The following KCNN3 variants were observed in gnomAD, a reference collection of about 807,000 sequenced individuals.
KCNN3 encodes small conductance calcium-activated potassium channel protein 3.
A neutral mutation model predicts 62.9 loss-of-function variants in KCNN3; 16 were observed. The ratio of observed to expected loss-of-function variants is 0.25; its 90% CI spans 0.17 to 0.39. KCNN3 has a LOEUF of 0.39. Ranked by LOEUF, KCNN3 falls within the 10% of genes least tolerant of loss-of-function variation. KCNN3 has a pLI of 1.00. For missense variants in KCNN3, 599 were observed against 949.4 expected (o/e 0.63, Z 4.85); for synonymous variants, 370 against 389.2 (o/e 0.95, Z 0.58).
At chr1:154,841,587 A>T (rs908466593) in intron 1 of KCNN3, among the ~76,000 whole-genome samples, 1 of 152,222 alleles carries the variant, frequency 6.6e-6, no homozygotes, top group African/African-American at 2.4e-5. Context: ...AAAGCCACAC[A>T]GCTTCTAAGC....
Position 154,865,187 on chromosome 1 carries a change from C to T in KCNN3, c.933+3845G>A, listed in dbSNP as rs1316406963. ...GCAATGGAGTGGGTGTGCCCCAAAC[C>T]AGCTCTAAAAGAAAATAAAGAACAC... On this transcript the variant is annotated intron_variant, in intron 1 of 7. Transcript: ENST00000271915. Among the ~76,000 whole-genome samples, 4 of 152,046 alleles carry T rather than the reference C, an allele frequency of 2.6e-5. 1 individual carries two copies. The highest frequency in any genetic ancestry group is 5.9e-5 in the Non-Finnish European group (4 of 68,006).
chr1:154,784,489 A>G (rs913101548), intron 2 of KCNN3, among the ~76,000 whole-genome samples: 1 of 151,894 alleles, frequency 6.6e-6, no homozygotes, highest in African/African-American at 2.4e-5. Flanking sequence ...TTCACCAGAG[A>G]CCTCCAGATC....
At chr1:154,836,779 C>A (rs1028071244) in intron 1 of KCNN3, among the ~76,000 whole-genome samples, 1 of 152,226 alleles carries the variant, frequency 6.6e-6, no homozygotes. Context: ...AGAGCCGCCG[C>A]CCCTGGGCTC....
At chr1:154,833,031 T>C (rs1372877193) in intron 1 of KCNN3, among the ~76,000 whole-genome samples, 1 of 152,038 alleles carries the variant, frequency 6.6e-6, no homozygotes, top group Non-Finnish European at 1.5e-5. Context: ...TACAGACAAC[T>C]CCCCACCCTG....
intron 1 of KCNN3, among the ~76,000 whole-genome samples, chr1:154,845,365 T>C (rs950088139): frequency 2.0e-5 from 3 of 152,228 alleles, no homozygotes; most frequent in Admixed American, 1.3e-4. Context: ...AAGCTTAGCC[T>C]GGCTGCTCAG....
In KCNN3 at chr1:154,707,754, C is replaced by T. The variant is rs1400801741; in HGVS notation, c.*222G>A. The T allele has an allele frequency of 7.2e-6, 4 of 553,272 alleles. No homozygotes were observed. Among genetic ancestry groups the T allele is most frequent in the Non-Finnish European group, 1.2e-5 (4 of 320,556 alleles). The allele number at this position is 553,272 out of a possible 1,614,324, so 34.3% of individuals were successfully genotyped here. A position where few individuals can be genotyped will look rare whatever the true frequency, so the allele number is the denominator to read the frequency against. On this transcript the variant is annotated 3_prime_UTR_variant, in exon 8 of 8. Coordinates refer to ENST00000271915, the MANE Select transcript of KCNN3 (RefSeq NM_002249.6). ...CCAGAGGCGTCGCTTCCTGTCATCT[C>T]CTCTTCCCGCTCCCAAGTAGAGGCA...
At chr1:154,733,249 A>G in intron 3 of KCNN3, 105 bp from the exon 4 acceptor site, 2 of 1,192,242 alleles carry the variant, frequency 1.7e-6, no homozygotes, top group Non-Finnish European at 2.5e-6. Flanking sequence ...TTGCTGAGGA[A>G]GAGGCAGCAG....
intron 2 of KCNN3, among the ~76,000 whole-genome samples, chr1:154,780,290 CCTTT>C (rs1648977860): frequency 7.3e-6 from 1 of 136,696 alleles, no homozygotes; most frequent in Admixed American, 7.8e-5. Context: ...AGACTTGAGA[CCTTT>C]CTGATTTTTT....
intron 1 of KCNN3, among the ~76,000 whole-genome samples, chr1:154,866,342 G>C (rs1414441772): frequency 1.3e-5 from 2 of 152,152 alleles, no homozygotes; most frequent in East Asian, 3.8e-4. Context: ...AATCACAATA[G>C]GTCCCATTTG....
chr1:154,860,018 G>T (rs1268083527), intron 1 of KCNN3, among the ~76,000 whole-genome samples: 5 of 152,198 alleles, frequency 3.3e-5, no homozygotes, highest in African/African-American at 1.2e-4. Flanking sequence ...CCCAGGGCTT[G>T]TGAAACAGAT....
At chr1:154,788,119 C>A (rs1777910) in intron 2 of KCNN3, among the ~76,000 whole-genome samples, 134,318 of 152,210 alleles carry the variant, frequency 0.88, 59,331 homozygotes, top group Admixed American at 0.9. Flanking sequence ...GCCTGTCGGT[C>A]ACCCTTTCTG....
At chr1:154,817,478 G>C (rs891718431) in intron 2 of KCNN3, among the ~76,000 whole-genome samples, 3 of 152,360 alleles carry the variant, frequency 2.0e-5, no homozygotes, top group African/African-American at 7.2e-5. Flanking sequence ...AGATGGAGTT[G>C]CTGTGGCCTC....
chr1:154,742,806 T>C (rs1700852490), intron 3 of KCNN3, among the ~76,000 whole-genome samples: 1 of 152,174 alleles, frequency 6.6e-6, no homozygotes, highest in Admixed American at 6.5e-5. Context: ...GTGATACAGA[T>C]AGAGGTATGT....
intron 1 of KCNN3, among the ~76,000 whole-genome samples, chr1:154,856,681 T>A (rs920500713): frequency 1.3e-5 from 2 of 152,146 alleles, no homozygotes; most frequent in African/African-American, 4.8e-5. Context: ...TTAACTCTCA[T>A]GACAGCCCCA....
intron 3 of KCNN3, among the ~76,000 whole-genome samples, chr1:154,737,955 A>T (rs1700747674): frequency 6.6e-6 from 1 of 152,226 alleles, no homozygotes; most frequent in Non-Finnish European, 1.5e-5. Flanking sequence ...AGAAAATATG[A>T]GAAAATTAGT....
chr1:154,735,376 T>G (rs558018964), intron 3 of KCNN3, among the ~76,000 whole-genome samples: 3 of 152,194 alleles, frequency 2.0e-5, no homozygotes, highest in Non-Finnish European at 4.4e-5. Context: ...TTTGTGGCTG[T>G]CTGCACAAGG....
chr1:154,785,145 C>T lies in KCNN3; in HGVS notation c.1030-12752G>A, dbSNP rs183795543. 1.4e-4 allele frequency among the ~76,000 whole-genome samples: 21 copies of T among 152,308 alleles called. No homozygotes were observed. The East Asian group carries it at 3.7e-3, about 27-fold the overall frequency. ...TCAACAGGAAGTTTCTGATAAGTTTCTTTCCTTTTGACACATGAAAGGATC... is the reference window on the plus strand; with the variant it reads ...TCAACAGGAAGTTTCTGATAAGTTTTTTTCCTTTTGACACATGAAAGGATC... On this transcript the variant is annotated intron_variant, in intron 2 of 7. Coordinates refer to ENST00000271915, the MANE Select transcript of KCNN3 (RefSeq NM_002249.6).
At chr1:154,775,568 C>A (rs1048272521) in intron 2 of KCNN3, among the ~76,000 whole-genome samples, 3 of 127,730 alleles carry the variant, frequency 2.3e-5, no homozygotes, top group Admixed American at 7.8e-5. Flanking sequence ...GCAGCCAGCC[C>A]CCCACCCACC....
In KCNN3 at chr1:154,732,984, G is replaced by A; in HGVS notation, c.1590+19C>T. 6.2e-7 allele frequency: 1 copy of A among 1,613,892 alleles called. No homozygotes were observed. The stretch of plus-strand genomic sequence containing the variant: ...TGCCACATTTTAAGGGTAGGGAATG[G>A]GGAGAGGCGGGTACTCACCATGATG... On this transcript the variant is annotated intron_variant, in intron 4 of 7. Transcript: ENST00000271915.
Sources: gnomAD v4.1 joint callset for allele counts (sites outside exome capture counted in the v4.1 genomes callset) on GRCh38, gnomAD v4.1.1 for gene constraint, MANE v1.5 for transcripts, NCBI Gene and HGNC (gene_info 2026-07-23, HGNC 2026-07-21) for gene names.